Variants in ERICH3 observed in about 807,000 individuals in gnomAD.
The protein encoded by ERICH3 is glutamate rich 3.
ERICH3 carries 126 observed loss-of-function variants against 131.1 expected under a neutral mutation model. The observed-to-expected ratio is 0.96, with a 90% CI of 0.83 to 1.11. The LOEUF (loss-of-function observed/expected upper bound fraction) is 1.11, where lower values mean the gene tolerates loss of function less well. Ranked by LOEUF, ERICH3 falls within the 50% of genes most tolerant of loss-of-function variation. The probability of loss-of-function intolerance (pLI) is 0.00; values close to 1 mark genes in which losing one functional copy is unlikely to be tolerated. For synonymous variants in ERICH3, 695 were observed against 644.6 expected, an observed-to-expected ratio of 1.08 and a Z score of -1.18; for missense variants, 2,050 against 1,810.7, an observed-to-expected ratio of 1.13 and a Z score of -2.40.
In ERICH3 at chr1:74,599,732, A is replaced by T. The variant is rs764345028; in HGVS notation, c.1689T>A (p.Asp563Glu). 6.2e-7 allele frequency: 1 copy of T among 1,611,984 alleles called. No homozygotes were observed. Among genetic ancestry groups the T allele is most frequent in the Non-Finnish European group, 8.5e-7 (1 of 1,178,818 alleles). Residue 563 changes from aspartate (D) to glutamate (E), a missense_variant, in exon 11 of 15, where the codon GAT becomes GAA. Coordinates refer to ENST00000326665, the MANE Select transcript of ERICH3 (RefSeq NM_001002912.5). ...CTTCCAGTTCACTCTCAGAGCATCC[A>T]TCATTCTCATCTTTCACATTGTCAC... is the stretch of plus-strand genomic sequence containing the variant. ...DARDNVKDEN[D>E]GCSESELEED...
chr1:74,641,821 T>A (rs1179739141), intron 4 of ERICH3, among the ~76,000 whole-genome samples: 2 of 152,152 alleles, frequency 1.3e-5, no homozygotes, highest in Non-Finnish European at 2.9e-5. Context: ...AAGTGTTCCA[T>A]GTTTTAAAAA....
chr1:74,572,506 T>C lies in ERICH3; in HGVS notation c.3204A>G (p.Thr1068=), dbSNP rs756437437. The C allele has an allele frequency of 8.1e-6, 13 of 1,614,034 alleles. No individual in the cohort carries two copies. Among genetic ancestry groups the C allele is most frequent in the Admixed American group, 1.7e-5 (1 of 60,006 alleles). The part of the protein sequence containing the change: ...RERRKAERPK[T]SLRKTDSERE... ...TCTCAGAGTCAGTTTTCCTCAGAGA[T>C]GTTTTTGGCCTCTCAGCTTTCCTTC... is the stretch of plus-strand genomic sequence containing the variant. The change falls in exon 14 of 15, where the codon ACA becomes ACG. Residue 1068 remains threonine (T), a synonymous_variant. Coordinates refer to ENST00000326665, the MANE Select transcript of ERICH3 (RefSeq NM_001002912.5).
At chr1:74,595,447 G>A (rs1173658449) in intron 11 of ERICH3, among the ~76,000 whole-genome samples, 2 of 152,046 alleles carry the variant, frequency 1.3e-5, no homozygotes, top group Non-Finnish European at 2.9e-5. Context: ...ACAAGTATAT[G>A]TAAGAATACA....
intron 9 of ERICH3, among the ~76,000 whole-genome samples, chr1:74,607,535 T>C (rs1388061435): frequency 2.0e-5 from 3 of 151,962 alleles, no homozygotes; most frequent in African/African-American, 7.2e-5. Context: ...CAGGAGTTTG[T>C]TCACTTATTT....
At chr1:74,669,720 T>G (rs1570926138) in intron 1 of ERICH3, among the ~76,000 whole-genome samples, 1 of 152,244 alleles carries the variant, frequency 6.6e-6, no homozygotes, top group Non-Finnish European at 1.5e-5. Context: ...CATTTTTATT[T>G]ACTCCTAACT....
chr1:74,605,963 C>T (rs1648369003), intron 10 of ERICH3, among the ~76,000 whole-genome samples: 1 of 126,932 alleles, frequency 7.9e-6, no homozygotes, highest in Non-Finnish European at 1.6e-5. Context: ...ATGAGATGTG[C>T]CTGCATATAT....
At chr1:74,578,280 AATGATGATGATGATG>A (rs3036371) in intron 12 of ERICH3, 2 of 176,132 alleles carry the variant, frequency 1.1e-5, no homozygotes, top group African/African-American at 4.8e-5. Flanking sequence ...TAATAACAGC[AATGATGATGATGATG>A]ATGATGATGA....
chr1:74,636,100 C>T (rs1473532954), intron 6 of ERICH3, among the ~76,000 whole-genome samples, 180 bp downstream of exon 6: 1 of 152,130 alleles, frequency 6.6e-6, no homozygotes, highest in Non-Finnish European at 1.5e-5. Flanking sequence ...ACACAAATTA[C>T]AGGCCTTCCC....
At chr1:74,631,441 T>C (rs897743160) in intron 7 of ERICH3, among the ~76,000 whole-genome samples, 5 of 152,088 alleles carry the variant, frequency 3.3e-5, no homozygotes, top group African/African-American at 1.2e-4. Context: ...TTTAAGGAAA[T>C]AAATGATTTG....
chr1:74,644,183 T>A (rs536759527), intron 3 of ERICH3, among the ~76,000 whole-genome samples: 12 of 152,130 alleles, frequency 7.9e-5, no homozygotes, highest in African/African-American at 2.9e-4. Flanking sequence ...GCAGACTCAA[T>A]AATTCCCTAT....
intron 10 of ERICH3, among the ~76,000 whole-genome samples, chr1:74,605,084 G>A (rs1648321993): frequency 6.6e-6 from 1 of 151,950 alleles, no homozygotes; most frequent in Non-Finnish European, 1.5e-5. Context: ...GGATAAAATT[G>A]CAGCAGCTCC....
rs780074982 is a variant in ERICH3 at position 74,572,741 on chromosome 1, G to T, written c.2969C>A (p.Thr990Lys). ...PAKERKEVMR[T>K]ETRLSPFTGE... ...TGTGAAGGGGCTCAAGCGTGTTTCT[G>T]TTCTCATAACCTCTTTTCTCTCTTT... The change falls in exon 14 of 15, where the codon ACA becomes AAA. Residue 990 changes from threonine to lysine, a missense_variant. Thr to Lys is a moderately conservative substitution (Grantham distance 78, BLOSUM62 -1). Transcript: ENST00000326665. 18 of 1,613,634 alleles carry T rather than the reference G, an allele frequency of 1.1e-5. No homozygotes were observed. In the African/African-American group the frequency reaches 2.1e-4, roughly 19 times the overall value.
intron 9 of ERICH3, among the ~76,000 whole-genome samples, chr1:74,609,298 A>C (rs1570863075): frequency 1.3e-5 from 2 of 152,094 alleles, no homozygotes; most frequent in Admixed American, 1.3e-4. Context: ...TTAGAAATAT[A>C]ATTCTCTGTT....
At chr1:74,615,564 C>T (rs749466654) in intron 8 of ERICH3, among the ~76,000 whole-genome samples, 2 of 152,068 alleles carry the variant, frequency 1.3e-5, no homozygotes, top group African/African-American at 2.4e-5. Flanking sequence ...GTTCTCCTGA[C>T]TCAAAAAGAT....
chr1:74,624,879 C>T (rs1649360646), intron 7 of ERICH3: 1 of 152,080 alleles, frequency 6.6e-6, no homozygotes, highest in Non-Finnish European at 1.5e-5. Context: ...CAACCTCCTG[C>T]CTCAGCCTCC....
In ERICH3 at chr1:74,573,302, G is replaced by A; in HGVS notation, c.2408C>T (p.Ala803Val). ...GEAALWGEAG[A>V]VHEAPLRAWK... Reference sequence around the variant, plus strand: ...CGCCCTCAAGGGAGCCTCATGAACAGCTCCTGCTTCTCCCCACAGTGCTGC... The same window carrying A: ...CGCCCTCAAGGGAGCCTCATGAACAACTCCTGCTTCTCCCCACAGTGCTGC... Residue 803 changes from alanine (A) to valine (V), a missense_variant, in exon 14 of 15, where the codon GCT becomes GTT. Coordinates refer to ENST00000326665, the MANE Select transcript of ERICH3 (RefSeq NM_001002912.5). The A allele has an allele frequency of 3.1e-6, 5 of 1,601,132 alleles. No individual in the cohort carries two copies. The highest frequency in any genetic ancestry group is 4.3e-6 in the Non-Finnish European group (5 of 1,174,796).
Position 74,649,306 on chromosome 1 carries a change from A to G in ERICH3, c.33T>C (p.Ala11=). 6.2e-7 allele frequency: 1 copy of G among 1,610,816 alleles called. No individual in the cohort carries two copies. The highest frequency in any genetic ancestry group is 1.7e-4 in the Middle Eastern group (1 of 6,022). The part of the protein sequence containing the change: MSHSHPAGLL[A]AYNSLMDKHL... ...GTTTATCCATAAGGCTATTATATGC[A>G]GCAAGTAACCTAAAATACAAAAATA... Residue 11 remains alanine, a synonymous_variant, in exon 2 of 15, where the codon GCT becomes GCC. Coordinates refer to ENST00000326665, the MANE Select transcript of ERICH3 (RefSeq NM_001002912.5).
chr1:74,641,027 C>G (rs1053882259), intron 5 of ERICH3, among the ~76,000 whole-genome samples: 1 of 152,044 alleles, frequency 6.6e-6, no homozygotes, highest in Non-Finnish European at 1.5e-5. Context: ...ACCTGAGAGT[C>G]TGAGCTTTTC....
intron 12 of ERICH3, among the ~76,000 whole-genome samples, chr1:74,580,167 T>A (rs939886138): frequency 6.6e-6 from 1 of 152,082 alleles, no homozygotes; most frequent in Non-Finnish European, 1.5e-5. Context: ...AACATCTTAA[T>A]AGATTTCCAA....
Sources: allele counts gnomAD v4.1 joint callset (sites outside exome capture counted in the v4.1 genomes callset), GRCh38; gene constraint gnomAD v4.1.1; transcripts MANE v1.5; gene names NCBI Gene and HGNC (gene_info 2026-07-23, HGNC 2026-07-21).